Variants in NKAIN3 observed in about 807,000 individuals in gnomAD.
NKAIN3 encodes sodium/potassium-transporting ATPase subunit beta-1-interacting protein 3.
A neutral mutation model predicts 30.2 loss-of-function variants in NKAIN3; 25 were observed. That is an observed-to-expected ratio of 0.83 (90% CI 0.60 to 1.16). The LOEUF is 1.16. Ranked by LOEUF, NKAIN3 falls within the 50% of genes most tolerant of loss-of-function variation. The pLI is 0.00. For synonymous variants in NKAIN3, 91 were observed against 89.6 expected (o/e 1.02, Z -0.09); for missense variants, 225 against 254.1 (o/e 0.89, Z 0.78).
At chr8:62,449,542 C>T (rs962322640) in intron 1 of NKAIN3, among the ~76,000 whole-genome samples, 9 of 152,010 alleles carry the variant, frequency 5.9e-5, no homozygotes, top group Admixed American at 2.0e-4. Flanking sequence ...TGAGTTCTAT[C>T]ATAAAACAAA....
chr8:62,958,261 C>A (rs567581596), intron 6 of NKAIN3, among the ~76,000 whole-genome samples: 1 of 152,102 alleles, frequency 6.6e-6, no homozygotes, highest in South Asian at 2.1e-4. Flanking sequence ...CCTGCAGCAG[C>A]CAGGGCTCCA....
At chr8:62,300,070 A>T (rs1813991490) in intron 1 of NKAIN3, among the ~76,000 whole-genome samples, 1 of 152,082 alleles carries the variant, frequency 6.6e-6, no homozygotes, top group African/African-American at 2.4e-5. Context: ...CACGTCCTAT[A>T]GTAGCTGTAA....
intron 5 of NKAIN3, among the ~76,000 whole-genome samples, chr8:62,952,631 G>A (rs941293600): frequency 2.0e-5 from 3 of 152,016 alleles, no homozygotes; most frequent in South Asian, 2.1e-4. Flanking sequence ...TTTTAGTTGC[G>A]TTACATTCAA....
Position 62,454,301 on chromosome 8 carries a change from C to CAAAAAA in NKAIN3, c.55-125221_55-125216dup, listed in dbSNP as rs201511724. ...ACCAACACTAACAATAGCTGATGTG[C>CAAAAAA]AAAAAAAAAAAAAAAAAAAAAATCT... On this transcript the variant is annotated intron_variant, in intron 1 of 6. Coordinates refer to ENST00000623646, the MANE Select transcript of NKAIN3 (RefSeq NM_001304533.3). 1.1e-3 allele frequency among the ~76,000 whole-genome samples: 63 copies of CAAAAAA among 56,146 alleles called. 7 individuals are homozygous for CAAAAAA. Among genetic ancestry groups the CAAAAAA allele is most frequent in the Admixed American group, 2.7e-3 (12 of 4,448 alleles). 36.8% of individuals were successfully genotyped at this position (56,146 alleles called of 152,430 possible). A position where few individuals can be genotyped will look rare whatever the true frequency, so the allele number is the denominator to read the frequency against.
At chr8:62,567,538 C>T (rs781556947) in intron 1 of NKAIN3, among the ~76,000 whole-genome samples, 19 of 151,990 alleles carry the variant, frequency 1.3e-4, no homozygotes, top group Non-Finnish European at 2.2e-4. Context: ...CCTAAATTAT[C>T]CAAAAGGGCT....
intron 3 of NKAIN3, among the ~76,000 whole-genome samples, chr8:62,675,487 T>C: frequency 6.6e-6 from 1 of 152,232 alleles, no homozygotes; most frequent in East Asian, 1.9e-4. Flanking sequence ...TGGCCTGATT[T>C]ATGCAGGTGA....
intron 3 of NKAIN3, among the ~76,000 whole-genome samples, chr8:62,709,628 T>A (rs1814652732): frequency 6.6e-6 from 1 of 152,184 alleles, no homozygotes; most frequent in Non-Finnish European, 1.5e-5. Flanking sequence ...TTGGTTTATC[T>A]TGTTAATGGT....
At chr8:62,743,059 C>G (rs1815956265) in intron 3 of NKAIN3, among the ~76,000 whole-genome samples, 1 of 152,156 alleles carries the variant, frequency 6.6e-6, no homozygotes. Context: ...TCCAACAGGT[C>G]CCTTCCACCA....
In NKAIN3 at chr8:62,813,022, G is replaced by T. The variant is rs115845977; in HGVS notation, c.471+65893G>T. On this transcript the variant is annotated intron_variant, in intron 4 of 6. Transcript: ENST00000623646. ...AAGTAGTACCTTTACTAAGTGTTTT[G>T]TTTATTAATTGAAGGCCTAAGGCCT... 9.9e-3 allele frequency among the ~76,000 whole-genome samples: 1,499 copies of T among 151,850 alleles called. 21 individuals carry two copies. The highest frequency in any genetic ancestry group is 0.033 in the African/African-American group (1,364 of 41,488).
At position 62,420,740 on chromosome 8, in the gene NKAIN3, G is replaced by A. The variant is rs138824632; in HGVS notation, c.55-158799G>A. Among the ~76,000 whole-genome samples the A allele has an allele frequency of 5.9e-3, 901 of 152,082 alleles. 10 individuals are homozygous for A. Among genetic ancestry groups the A allele is most frequent in the African/African-American group, 0.021 (862 of 41,510 alleles). On this transcript the variant is annotated intron_variant, in intron 1 of 6. Transcript: ENST00000623646. ...AATTTCAAGAAGAAATAAATAATCT[G>A]TATATTATAAAAATAGAATGAAAAT...
chr8:62,965,369 G>A lies in NKAIN3; in HGVS notation c.619G>A (p.Asp207Asn). 1 of 985,722 alleles carries A rather than the reference G, an allele frequency of 1.0e-6. No individual in the cohort carries two copies. The highest frequency in any genetic ancestry group is 1.7e-5 in the African/African-American group (1 of 57,346). 61.1% of individuals were successfully genotyped at this position (985,722 alleles called of 1,614,324 possible). Residue 207 changes from aspartate to asparagine, a missense_variant, in exon 7 of 7, where the codon GAC (aspartate) becomes AAC (asparagine). Asp to Asn is a conservative substitution (Grantham distance 23). Transcript: ENST00000623646. ...TCTGTTTTAGGTCGAAATAAGTAATGACATTGAACCAGAAATGCGGCTGCT... is the reference window on the plus strand; with the variant it reads ...TCTGTTTTAGGTCGAAATAAGTAATAACATTGAACCAGAAATGCGGCTGCT... The part of the protein sequence containing the change: ...KPVKPVEISN[D>N]IEPEMRLLNL...
intron 1 of NKAIN3, among the ~76,000 whole-genome samples, chr8:62,440,671 C>T (rs549640353): frequency 4.6e-5 from 7 of 151,124 alleles, no homozygotes; most frequent in South Asian, 2.1e-4. Context: ...ATACTCACTC[C>T]CCTCCTTCCT....
chr8:62,596,419 G>A (rs1269723121), intron 3 of NKAIN3, among the ~76,000 whole-genome samples: 2 of 151,900 alleles, frequency 1.3e-5, no homozygotes, highest in African/African-American at 2.4e-5. Context: ...GTGTAAGACT[G>A]CCACCTTTTT....
chr8:62,308,094 A>G (rs1020146543), intron 1 of NKAIN3, among the ~76,000 whole-genome samples: 1 of 150,646 alleles, frequency 6.6e-6, no homozygotes, highest in Non-Finnish European at 1.5e-5. Flanking sequence ...ACTTGGGTAG[A>G]TAATTAGGTT....
At chr8:62,299,468 G>A (rs982681006) in intron 1 of NKAIN3, among the ~76,000 whole-genome samples, 5 of 152,102 alleles carry the variant, frequency 3.3e-5, no homozygotes, top group African/African-American at 7.2e-5. Context: ...CTCCCAGGGC[G>A]ACCAAGAGGT....
chr8:62,579,272 A>C (rs1585971400), intron 1 of NKAIN3, among the ~76,000 whole-genome samples: 1 of 152,080 alleles, frequency 6.6e-6, no homozygotes, highest in African/African-American at 2.4e-5. Context: ...TACTGTAGAA[A>C]ATGATTTAAG....
chr8:62,419,842 A>G (rs1156527472), intron 1 of NKAIN3, among the ~76,000 whole-genome samples: 1 of 152,162 alleles, frequency 6.6e-6, no homozygotes, highest in Non-Finnish European at 1.5e-5. Context: ...ATCAGTTCCC[A>G]TAGGTCCAAC....
At chr8:62,798,051 G>A (rs1484315659) in intron 4 of NKAIN3, among the ~76,000 whole-genome samples, 2 of 152,114 alleles carry the variant, frequency 1.3e-5, no homozygotes, top group African/African-American at 4.8e-5. Context: ...TTTTACAAGT[G>A]TGAAAACTGA....
chr8:62,590,006 A>G (rs2130105024), intron 3 of NKAIN3, among the ~76,000 whole-genome samples: 1 of 151,504 alleles, frequency 6.6e-6, no homozygotes, highest in East Asian at 1.9e-4. Context: ...TGGAACTTCA[A>G]AACAACTGCC....
Sources: allele counts gnomAD v4.1 joint callset (sites outside exome capture counted in the v4.1 genomes callset), GRCh38; gene constraint gnomAD v4.1.1; transcripts MANE v1.5; gene names NCBI Gene and HGNC (gene_info 2026-07-23, HGNC 2026-07-21).